The following CYP3A43 variants were observed in gnomAD, a reference collection of about 807,000 sequenced individuals.
CYP3A43 encodes cytochrome P450 3A43.
A neutral mutation model predicts 58.0 loss-of-function variants in CYP3A43; 45 were observed. The ratio of observed to expected loss-of-function variants is 0.78; its 90% CI spans 0.61 to 0.99. The LOEUF is 0.99. Ranked by LOEUF, CYP3A43 falls within the 50% of genes least tolerant of loss-of-function variation. CYP3A43 has a pLI of 0.00. For synonymous variants in CYP3A43, 191 were observed against 201.4 expected (o/e 0.95, Z 0.44); for missense variants, 593 against 591.9 (o/e 1.00, Z -0.02).
intron 7 of CYP3A43, chr7:99,849,964 T>G (rs1817691651): frequency 2.1e-6 from 1 of 476,032 alleles, no homozygotes; most frequent in Non-Finnish European, 4.0e-6. Flanking sequence ...CATTTTTTTT[T>G]TTTTTTTTTT....
intron 11 of CYP3A43, among the ~76,000 whole-genome samples, chr7:99,863,187 C>T (rs1370525610): frequency 6.6e-6 from 1 of 152,232 alleles, no homozygotes; most frequent in Non-Finnish European, 1.5e-5. Flanking sequence ...ACAATCCTCT[C>T]TGTGACTACA....
Position 99,844,790 on chromosome 7 carries a change from G to A in CYP3A43, c.318+548G>A, listed in dbSNP as rs559710724. 2.0e-5 allele frequency among the ~76,000 whole-genome samples: 3 copies of A among 152,112 alleles called. No individual in the cohort carries two copies. In the South Asian group the frequency reaches 6.2e-4, roughly 31 times the overall value. On this transcript the variant is annotated intron_variant, in intron 4 of 12. Transcript: ENST00000354829. ...TTTTCTAAAAGTTATATGGTTTAAG[G>A]CTGGGTGCGGTGGCTCACGCCTATA...
chr7:99,834,425 A>C (rs1037033881), intron 1 of CYP3A43, among the ~76,000 whole-genome samples: 6 of 151,974 alleles, frequency 3.9e-5, no homozygotes, highest in Non-Finnish European at 7.4e-5. Flanking sequence ...TTTTATTTTC[A>C]TCATAAACTG....
At position 99,859,841 on chromosome 7, in the gene CYP3A43, C is replaced by A. The variant is rs146927073; in HGVS notation, c.877C>A (p.Leu293Met). Residue 293 changes from leucine to methionine, a missense_variant, in exon 10 of 13, where the codon CTG becomes ATG. Transcript: ENST00000354829. ...TCCTCTCCTTTCAGCTCTGTCTGATCTGGAGCTTGTGGCCCAGTCAATTAT... is the reference window on the plus strand; with the variant it reads ...TCCTCTCCTTTCAGCTCTGTCTGATATGGAGCTTGTGGCCCAGTCAATTAT... ...ETKSHKALSD[L>M]ELVAQSIIII... is the part of the protein sequence containing the mutation. 4 of 1,614,154 alleles carry A rather than the reference C, an allele frequency of 2.5e-6. No individual in the cohort carries two copies. The highest frequency in any genetic ancestry group is 1.7e-5 in the Admixed American group (1 of 60,014).
intron 7 of CYP3A43, chr7:99,849,928 C>A (rs1817686744): frequency 1.7e-6 from 1 of 581,992 alleles, no homozygotes; most frequent in Admixed American, 2.3e-5. Context: ...ACCATTTAAC[C>A]ATCATCCCCT....
intron 12 of CYP3A43, 89 bp downstream of exon 12, chr7:99,863,788 A>G (rs1818339973): frequency 9.0e-7 from 1 of 1,108,858 alleles, no homozygotes; most frequent in Non-Finnish European, 1.2e-6. Context: ...TCATTTTTCA[A>G]TAATTTGCTC....
intron 4 of CYP3A43, among the ~76,000 whole-genome samples, chr7:99,844,499 G>A (rs533668916): frequency 6.6e-6 from 1 of 152,248 alleles, no homozygotes; most frequent in East Asian, 1.9e-4. Flanking sequence ...GTATATGTGT[G>A]TGTGTAGCAT....
rs78548296 is a variant in CYP3A43, at chr7:99,847,558, G to A, written c.389G>A (p.Arg130Gln). 3.9e-4 allele frequency: 636 copies of A among 1,613,870 alleles called. 3 individuals are homozygous for A. In the African/African-American group the frequency reaches 7.3e-3, roughly 18 times the overall value. The change falls in exon 5 of 13, where the codon CGA becomes CAA. Residue 130 changes from arginine (R) to glutamine (Q), a missense_variant. Coordinates refer to ENST00000354829, the MANE Select transcript of CYP3A43 (RefSeq NM_057095.3). Reference protein sequence around the residue: ...FAEDEEWKRIRTLLSPAFTSV... With the variant: ...FAEDEEWKRIQTLLSPAFTSV... Reference sequence around the variant, plus strand: ...GAAGATGAAGAATGGAAGAGAATACGAACATTGCTATCTCCAGCTTTCACC... The same window carrying A: ...GAAGATGAAGAATGGAAGAGAATACAAACATTGCTATCTCCAGCTTTCACC...
At position 99,844,206 on chromosome 7, in the gene CYP3A43, A is replaced by G. The variant is rs147384596; in HGVS notation, c.282A>G (p.Leu94=). The change falls in exon 4 of 13, where the codon TTA becomes TTG. Residue 94 remains leucine, a synonymous_variant. Transcript: ENST00000354829. ...ATCCCGACATGATCAAAACAGTGTTAGTGAAAGAATGTTACTCTGTCTTCA... is the reference window on the plus strand; with the variant it reads ...ATCCCGACATGATCAAAACAGTGTTGGTGAAAGAATGTTACTCTGTCTTCA... The part of the protein sequence containing the change: ...IMDPDMIKTV[L]VKECYSVFTN... 8.1e-6 allele frequency: 13 copies of G among 1,613,996 alleles called. No individual in the cohort carries two copies. The African/African-American group carries it at 1.7e-4, about 22-fold the overall frequency.
At chr7:99,836,378 T>C (rs1817077837) in intron 1 of CYP3A43, 75 bp from the exon 2 acceptor site, 3 of 1,163,444 alleles carry the variant, frequency 2.6e-6, no homozygotes, top group Non-Finnish European at 3.9e-6. Context: ...TTCCAGTTCC[T>C]GAGGTAATGT....
chr7:99,837,096 G>C (rs1378817497), intron 2 of CYP3A43, among the ~76,000 whole-genome samples: 2 of 149,434 alleles, frequency 1.3e-5, no homozygotes, highest in Non-Finnish European at 3.0e-5. Flanking sequence ...ACGAGGTCAG[G>C]AGATCGAGAC....
chr7:99,847,752 C>T, intron 5 of CYP3A43, 151 bp downstream of exon 5: 3 of 1,248,170 alleles, frequency 2.4e-6, no homozygotes, highest in Non-Finnish European at 3.4e-6. Flanking sequence ...TGGCTCATGC[C>T]TGTAATCCCA....
At chr7:99,841,717 G>T (rs1817340479) in intron 3 of CYP3A43, among the ~76,000 whole-genome samples, 1 of 152,038 alleles carries the variant, frequency 6.6e-6, no homozygotes, top group Non-Finnish European at 1.5e-5. Context: ...TTTTAATTGA[G>T]ATGGAGTCTC....
At position 99,828,035 on chromosome 7, in the gene CYP3A43, C is replaced by A; in HGVS notation, c.-81C>A. 8.9e-7 allele frequency: 1 copy of A among 1,122,592 alleles called. No individual in the cohort carries two copies. The highest frequency in any genetic ancestry group is 1.3e-6 in the Non-Finnish European group (1 of 774,162). The allele number at this position is 1,122,592 out of a possible 1,614,324, so 69.5% of individuals were successfully genotyped here. On this transcript the variant is annotated 5_prime_UTR_variant, in exon 1 of 13. Transcript: ENST00000354829. ...ATCACCTCTGGGCAGAGAAACAAAG[C>A]TCTATATGCACAGCCCAGCAAAGAG...
At chr7:99,842,054 T>G (rs1817354452) in intron 3 of CYP3A43, among the ~76,000 whole-genome samples, 1 of 152,182 alleles carries the variant, frequency 6.6e-6, no homozygotes, top group South Asian at 2.1e-4. Flanking sequence ...AAATTTAAAA[T>G]TTTAGTGACC....
chr7:99,859,901 ACT>A lies in CYP3A43; in HGVS notation c.941_942del (p.Leu314ProfsTer6), dbSNP rs753755719. 1 of 1,613,538 alleles carries A rather than the reference ACT, an allele frequency of 6.2e-7. No individual in the cohort carries two copies. On this transcript the variant is annotated frameshift_variant, in exon 10 of 13. Transcript: ENST00000354829. LOFTEE classifies it high-confidence loss of function. ...IFAAYDTTST[T>X]LPFIMYELAT... ...TGCTGCCTATGACACAACTAGCACC[ACT>A]CTCCCCTTCATTATGTATGAACTGG...
intron 4 of CYP3A43, among the ~76,000 whole-genome samples, chr7:99,846,272 A>G (rs1817540094): frequency 2.6e-5 from 4 of 152,080 alleles, no homozygotes; most frequent in Admixed American, 2.0e-4. Flanking sequence ...CCTTTCATCA[A>G]CGTTTTGTAA....
At chr7:99,859,686 G>A in intron 9 of CYP3A43, 144 bp from the exon 10 acceptor site, 1 of 1,046,704 alleles carries the variant, frequency 9.6e-7, no homozygotes, top group Non-Finnish European at 1.4e-6. Context: ...ACACATCAGA[G>A]TGAAGCCACC....
chr7:99,840,048 T>C (rs547672255), intron 3 of CYP3A43, among the ~76,000 whole-genome samples: 3 of 152,318 alleles, frequency 2.0e-5, no homozygotes, highest in African/African-American at 7.2e-5. Context: ...CCTTTTCTAT[T>C]GGCACAGCTG....
Sources: gnomAD v4.1 joint callset for allele counts (sites outside exome capture counted in the v4.1 genomes callset) on GRCh38, gnomAD v4.1.1 for gene constraint, MANE v1.5 for transcripts, NCBI Gene and HGNC (gene_info 2026-07-23, HGNC 2026-07-21) for gene names.